The following CAPN2 variants were observed in gnomAD, a reference collection of about 807,000 sequenced individuals.
CAPN2 encodes the protein calpain-2 catalytic subunit.
In CAPN2, 92 loss-of-function variants were observed where a neutral mutation model predicts 102.3. The observed-to-expected ratio is 0.90, with a 90% CI of 0.76 to 1.07. CAPN2 has a LOEUF of 1.07. Ranked by LOEUF, CAPN2 falls within the 50% of genes least tolerant of loss-of-function variation. The probability of loss-of-function intolerance (pLI) is 0.00; values close to 1 mark genes in which losing one functional copy is unlikely to be tolerated. For synonymous variants in CAPN2, 340 were observed against 355.4 expected (o/e 0.96, Z 0.49); for missense variants, 800 against 909.4 (o/e 0.88, Z 1.55).
upstream of CAPN2, among the ~76,000 whole-genome samples, chr1:223,708,821 G>A (rs1238107066): frequency 1.3e-5 from 2 of 149,428 alleles, no homozygotes; most frequent in Non-Finnish European, 3.0e-5. Flanking sequence ...AGAAGGAGAG[G>A]AAGGGAAGAA....
Position 223,755,657 on chromosome 1 carries a change from G to A in CAPN2, c.1305+8G>A, listed in dbSNP as rs1033291063. On this transcript the variant is annotated splice_region_variant and intron_variant, in intron 10 of 20. Coordinates refer to ENST00000295006, the MANE Select transcript of CAPN2 (RefSeq NM_001748.5). This position sits in a 1 kb window ranked among gnomAD's most constrained non-coding sequence, Gnocchi z 4.1. ...GGCTTTGGCATCTATGAGGTGCAGAGCGCAGGGGCTCCTGCCCTCCCTTCC... is the reference window on the plus strand; with the variant it reads ...GGCTTTGGCATCTATGAGGTGCAGAACGCAGGGGCTCCTGCCCTCCCTTCC... The A allele has an allele frequency of 6.4e-7, 1 of 1,560,750 alleles. No individual in the cohort carries two copies. The highest frequency in any genetic ancestry group is 1.8e-5 in the Admixed American group (1 of 54,952).
In CAPN2 at chr1:223,720,315, C is replaced by CTCTCTTTTTT. The variant is rs564518898; in HGVS notation, c.307+2485_307+2486insCTCTTTTTTT. 2.3e-3 allele frequency among the ~76,000 whole-genome samples: 249 copies of CTCTCTTTTTT among 107,474 alleles called. 1 individual carries two copies. The highest frequency in any genetic ancestry group is 7.2e-3 in the African/African-American group (191 of 26,518). 70.5% of individuals were successfully genotyped at this position (107,474 alleles called of 152,430 possible). ...TCATCCTTATTTTCTCTCTTTCTCT[C>CTCTCTTTTTT]TTTTTTTTTTTTTTTTTTTGACAGG... On this transcript the variant is annotated intron_variant, in intron 2 of 20. Transcript: ENST00000295006.
chr1:223,732,701 T>G (rs937104816), intron 2 of CAPN2, among the ~76,000 whole-genome samples: 8 of 152,224 alleles, frequency 5.3e-5, no homozygotes, highest in Non-Finnish European at 1.2e-4. Flanking sequence ...TCAGCCTCAT[T>G]TTACTCAGCT....
chr1:223,757,244 C>A, intron 10 of CAPN2, 125 bp from the exon 11 acceptor site: 2 of 1,047,892 alleles, frequency 1.9e-6, no homozygotes, highest in Non-Finnish European at 3.0e-6. Context: ...AACAGTTACT[C>A]GGTTGAATTA....
chr1:223,702,093 G>GGGAGGGAGGGAA (rs1558374887), intron 1 of CAPN2, among the ~76,000 whole-genome samples: 1 of 52,982 alleles, frequency 1.9e-5, no homozygotes. Flanking sequence ...GAGGGAGGGA[G>GGGAGGGAGGGAA]GAAAGAAGGA....
intron 9 of CAPN2, 30 bp downstream of exon 9, chr1:223,752,986 C>T: frequency 6.2e-7 from 1 of 1,608,262 alleles, no homozygotes. Context: ...AGGGCTGTTG[C>T]AATGCGGGGC....
At chr1:223,737,517 T>C (rs1354477689) in intron 2 of CAPN2, among the ~76,000 whole-genome samples, 1 of 152,086 alleles carries the variant, frequency 6.6e-6, no homozygotes, top group Non-Finnish European at 1.5e-5. Context: ...GGGACCCAGC[T>C]CTGACACTTG....
intron 20 of CAPN2, among the ~76,000 whole-genome samples, chr1:223,773,409 T>C (rs114484126): frequency 0.021 from 3,222 of 151,968 alleles, 108 homozygotes; most frequent in African/African-American, 0.074. Context: ...ATACAAAAAT[T>C]AGGGCTGGGC....
At chr1:223,719,811 T>C (rs138672406) in intron 2 of CAPN2, among the ~76,000 whole-genome samples, 2 of 150,050 alleles carry the variant, frequency 1.3e-5, no homozygotes, top group Non-Finnish European at 3.0e-5. Context: ...TGTGCGTGTG[T>C]GTGTGTGTGT....
chr1:223,737,819 GA>G (rs900819305), intron 2 of CAPN2, among the ~76,000 whole-genome samples: 15 of 147,490 alleles, frequency 1.0e-4, no homozygotes, highest in South Asian at 4.3e-4. Flanking sequence ...CGGGAGAGGG[GA>G]AAAAAAAAGG....
At chr1:223,752,291 T>C (rs1362595160) in intron 8 of CAPN2, among the ~76,000 whole-genome samples, 2 of 152,230 alleles carry the variant, frequency 1.3e-5, no homozygotes, top group East Asian at 3.8e-4. Context: ...GTTTATAAGC[T>C]GAGCAGCTTC....
At chr1:223,769,197 C>T (rs1463430166) in intron 16 of CAPN2, among the ~76,000 whole-genome samples, 2 of 152,074 alleles carry the variant, frequency 1.3e-5, no homozygotes, top group East Asian at 3.9e-4. Flanking sequence ...TCAGCTCACT[C>T]GAACCTCCGC....
At position 223,755,345 on chromosome 1, in the gene CAPN2, C is replaced by T; in HGVS notation, c.1136-135C>T. 1.3e-6 allele frequency: 1 copy of T among 794,350 alleles called. No homozygotes were observed. The highest frequency in any genetic ancestry group is 2.0e-6 in the Non-Finnish European group (1 of 490,184). 49.2% of individuals were successfully genotyped at this position (794,350 alleles called of 1,614,324 possible). A position where few individuals can be genotyped will look rare whatever the true frequency, so the allele number is the denominator to read the frequency against. ...CCCACCATCCCCCACCACCTCTTAC[C>T]ATCTCCCACCACCTCCCACCATCTC... On this transcript the variant is annotated intron_variant, in intron 9 of 20. Coordinates refer to ENST00000295006, the MANE Select transcript of CAPN2 (RefSeq NM_001748.5). The surrounding 1 kb of genome is among the most constrained non-coding windows in gnomAD (Gnocchi z 4.1).
At chr1:223,753,019 T>C (rs543025478) in intron 9 of CAPN2, 63 bp downstream of exon 9, 4 of 1,514,798 alleles carry the variant, frequency 2.6e-6, no homozygotes, top group Admixed American at 3.4e-5. Context: ...AAGCTCCCCT[T>C]ACCCCACCCT....
At position 223,746,475 on chromosome 1, in the gene CAPN2, C is replaced by CTTTTTTTT. The variant is rs60366533; in HGVS notation, c.561-508_561-501dup. Among the ~76,000 whole-genome samples, 29 of 108,462 alleles carry CTTTTTTTT rather than the reference C, an allele frequency of 2.7e-4. 4 individuals carry two copies. The highest frequency in any genetic ancestry group is 1.2e-3 in the African/African-American group (27 of 22,592). The allele number at this position is 108,462 out of a possible 152,430, so 71.2% of individuals were successfully genotyped here. A position where few individuals can be genotyped will look rare whatever the true frequency, so the allele number is the denominator to read the frequency against. ...TCCGACTCTAAGGTTCTACGAGAAT[C>CTTTTTTTT]TTTTTTTTTTTTTTTTTTTTTAATA... On this transcript the variant is annotated intron_variant, in intron 4 of 20. Coordinates refer to ENST00000295006, the MANE Select transcript of CAPN2 (RefSeq NM_001748.5).
rs1553256969 is a variant in CAPN2 at position 223,774,867 on chromosome 1, T to A, written c.*10T>A. ...TTTCTCAGTACTTTGAAGTTATAAC[T>A]AATCTGCCTGAAGACTTCTCATGAT... On this transcript the variant is annotated 3_prime_UTR_variant, in exon 21 of 21. Coordinates refer to ENST00000295006, the MANE Select transcript of CAPN2 (RefSeq NM_001748.5). 12 of 1,611,446 alleles carry A rather than the reference T, an allele frequency of 7.4e-6. No homozygotes were observed. The highest frequency in any genetic ancestry group is 1.7e-4 in the Middle Eastern group (1 of 6,060).
Position 223,712,893 on chromosome 1 carries a change from C to T in CAPN2, c.237+16C>T, listed in dbSNP as rs373214284. On this transcript the variant is annotated intron_variant, in intron 1 of 20. Coordinates refer to ENST00000295006, the MANE Select transcript of CAPN2 (RefSeq NM_001748.5). The stretch of plus-strand genomic sequence containing the variant: ...GCGCCCCACGGTAGGAAGCGCGCGG[C>T]AGGACGCGGGCAGGGCGGGGTGCCG... 6.7e-6 allele frequency: 10 copies of T among 1,481,724 alleles called. No individual in the cohort carries two copies. The highest frequency in any genetic ancestry group is 9.0e-6 in the Non-Finnish European group (10 of 1,107,260). The allele number at this position is 1,481,724 out of a possible 1,614,324, so 91.8% of individuals were successfully genotyped here. A position where few individuals can be genotyped will look rare whatever the true frequency, so the allele number is the denominator to read the frequency against.
At chr1:223,730,420 G>C (rs564181380) in intron 2 of CAPN2, among the ~76,000 whole-genome samples, 2 of 150,444 alleles carry the variant, frequency 1.3e-5, no homozygotes, top group East Asian at 3.9e-4. Context: ...TCTTCTTCCA[G>C]TGTGGCCCAG....
At chr1:223,716,637 G>A (rs894592261) in intron 1 of CAPN2, among the ~76,000 whole-genome samples, 1 of 151,902 alleles carries the variant, frequency 6.6e-6, no homozygotes, top group African/African-American at 2.4e-5. Context: ...GCCGAGGGCC[G>A]TTGGGTGGAG....
Sources: allele counts gnomAD v4.1 joint callset (sites outside exome capture counted in the v4.1 genomes callset), GRCh38; gene constraint gnomAD v4.1.1; non-coding constraint Gnocchi (gnomAD v3.1); transcripts MANE v1.5; gene names NCBI Gene and HGNC (gene_info 2026-07-23, HGNC 2026-07-21).